The following TDRD9 variants were observed in gnomAD, a reference collection of about 807,000 sequenced individuals.
TDRD9 encodes tudor domain containing 9.
Under a neutral mutation model 172.6 loss-of-function variants are expected in TDRD9, and 124 were observed. That is an observed-to-expected ratio of 0.72 (90% confidence interval 0.62 to 0.83). The LOEUF is 0.83. Ranked by LOEUF, TDRD9 falls within the 40% of genes least tolerant of loss-of-function variation. The pLI is 0.00. For synonymous variants in TDRD9, 619 were observed against 617.1 expected, an observed-to-expected ratio of 1.00 and a Z score of -0.05; for missense variants, 1,479 against 1,714.1, an observed-to-expected ratio of 0.86 and a Z score of 2.42.
intron 1 of TDRD9, among the ~76,000 whole-genome samples, chr14:103,936,985 G>A (rs2030809498): frequency 6.6e-6 from 1 of 152,086 alleles, no homozygotes; most frequent in Admixed American, 6.6e-5. Flanking sequence ...CCAGCTACTT[G>A]GCAGGCTGAC....
intron 6 of TDRD9, among the ~76,000 whole-genome samples, chr14:103,973,817 A>G (rs1235626667): frequency 3.3e-5 from 5 of 152,210 alleles, no homozygotes; most frequent in Non-Finnish European, 7.3e-5. Context: ...TAGTCTGTAC[A>G]GTTTTTACCA....
chr14:104,000,722 T>G (rs1196406553), intron 13 of TDRD9, among the ~76,000 whole-genome samples: 1 of 151,992 alleles, frequency 6.6e-6, no homozygotes, highest in Admixed American at 6.6e-5. Flanking sequence ...GAGGTGGAGG[T>G]TGCAGTGAGC....
chr14:104,049,786 G>A, intron 35 of TDRD9, 106 bp downstream of exon 35: 1 of 943,194 alleles, frequency 1.1e-6, no homozygotes, highest in Non-Finnish European at 1.6e-6. Flanking sequence ...GGTCTGAGAG[G>A]CAGAGACAGG....
chr14:103,955,498 C>T (rs947143447), intron 1 of TDRD9, among the ~76,000 whole-genome samples, 166 bp from the exon 2 acceptor site: 9 of 152,088 alleles, frequency 5.9e-5, no homozygotes, highest in African/African-American at 2.2e-4. Context: ...AATGGTTTGT[C>T]ATTGTTTTAA....
At chr14:103,942,151 GCTGTGTTTCA>G (rs2031275448) in intron 1 of TDRD9, 1 of 162,608 alleles carries the variant, frequency 6.1e-6, no homozygotes, top group African/African-American at 2.4e-5. Flanking sequence ...TGGTGACGAA[GCTGTGTTTCA>G]CTGGGACGTA....
intron 1 of TDRD9, among the ~76,000 whole-genome samples, chr14:103,948,682 A>G (rs1020556526): frequency 6.6e-6 from 1 of 152,120 alleles, no homozygotes; most frequent in Admixed American, 6.6e-5. Flanking sequence ...AACCTTGAGG[A>G]CATTATGCTA....
intron 30 of TDRD9, among the ~76,000 whole-genome samples, chr14:104,033,323 G>A (rs1316747831): frequency 6.6e-6 from 1 of 152,188 alleles, no homozygotes; most frequent in East Asian, 1.9e-4. Flanking sequence ...TGTGAAGCCG[G>A]CATTGGATTT....
At chr14:104,022,387 C>T (rs1170106816) in intron 24 of TDRD9, 57 bp downstream of exon 24, 21 of 1,546,204 alleles carry the variant, frequency 1.4e-5, no homozygotes, top group Non-Finnish European at 1.8e-5. Flanking sequence ...TTCTCAGGTG[C>T]TATTTTTACA....
chr14:104,025,136 C>T (rs1189927925), intron 25 of TDRD9, among the ~76,000 whole-genome samples: 1 of 152,136 alleles, frequency 6.6e-6, no homozygotes, highest in Non-Finnish European at 1.5e-5. Context: ...TGTGTGCCAC[C>T]ATGCCCGGGT....
At position 104,031,064 on chromosome 14, in the gene TDRD9, G is replaced by A. The variant is rs1469257847; in HGVS notation, c.3283-44G>A. The A allele has an allele frequency of 5.3e-6, 8 of 1,522,574 alleles. No homozygotes were observed. The East Asian group carries it at 2.0e-4, about 37-fold the overall frequency. The allele number at this position is 1,522,574 out of a possible 1,614,324, so 94.3% of individuals were successfully genotyped here. ...TTGATTAGTTTGGAAGAAAGTCCTTGTAATATTTTCTTTTAACAAAACAAA... is the reference window on the plus strand; with the variant it reads ...TTGATTAGTTTGGAAGAAAGTCCTTATAATATTTTCTTTTAACAAAACAAA... On this transcript the variant is annotated intron_variant, in intron 28 of 35. Transcript: ENST00000409874.
intron 34 of TDRD9, among the ~76,000 whole-genome samples, chr14:104,048,885 C>T (rs1176603039): frequency 6.6e-6 from 1 of 152,154 alleles, no homozygotes; most frequent in African/African-American, 2.4e-5. Context: ...CCCTCTGATC[C>T]AGATCACATA....
chr14:103,990,329 T>C (rs2033821713), intron 8 of TDRD9, among the ~76,000 whole-genome samples: 2 of 152,252 alleles, frequency 1.3e-5, no homozygotes, highest in Non-Finnish European at 2.9e-5. Context: ...CTGAGCTGCC[T>C]GTGCTGCAGT....
intron 23 of TDRD9, among the ~76,000 whole-genome samples, chr14:104,019,046 G>A (rs1474389754): frequency 1.3e-5 from 2 of 152,158 alleles, no homozygotes; most frequent in African/African-American, 2.4e-5. Context: ...ACAACTCTTA[G>A]AGAATTAATT....
chr14:104,021,898 T>G (rs1051087436), intron 23 of TDRD9, among the ~76,000 whole-genome samples: 5 of 152,234 alleles, frequency 3.3e-5, no homozygotes, highest in Non-Finnish European at 7.3e-5. Context: ...CATGTGACTT[T>G]AGTGTTTATT....
chr14:103,996,382 G>A (rs1428856374), intron 12 of TDRD9, among the ~76,000 whole-genome samples: 1 of 152,224 alleles, frequency 6.6e-6, no homozygotes, highest in Non-Finnish European at 1.5e-5. Flanking sequence ...GTGGGAGAGA[G>A]AGATGCTTAG....
At chr14:104,010,039 G>A (rs1009868936) in intron 20 of TDRD9, among the ~76,000 whole-genome samples, 6 of 150,338 alleles carry the variant, frequency 4.0e-5, no homozygotes, top group Non-Finnish European at 5.9e-5. Context: ...TCTGCCTCCC[G>A]GGTTCAAACA....
rs1327150300 is a variant in TDRD9, at chr14:103,980,271, C to T, written c.1011+4718C>T. 6.6e-6 allele frequency among the ~76,000 whole-genome samples: 1 copy of T among 152,048 alleles called. No individual in the cohort carries two copies. The highest frequency in any genetic ancestry group is 2.4e-5 in the African/African-American group (1 of 41,392). ...AGAGACCAGTAGTGGCCCCGAATGCCAGGCTGCGCTGATATTTATTGGATA... is the reference window on the plus strand; with the variant it reads ...AGAGACCAGTAGTGGCCCCGAATGCTAGGCTGCGCTGATATTTATTGGATA... On this transcript the variant is annotated intron_variant, in intron 7 of 35. Transcript: ENST00000409874. The surrounding 1 kb of genome is among the most constrained non-coding windows in gnomAD (Gnocchi z 4.5).
chr14:103,976,676 T>C (rs2033259904), intron 7 of TDRD9, among the ~76,000 whole-genome samples: 1 of 152,242 alleles, frequency 6.6e-6, no homozygotes, highest in Admixed American at 6.5e-5. Flanking sequence ...TTTTCTTTCC[T>C]TTGGAAATAT....
At chr14:103,949,983 C>T (rs1224838774) in intron 1 of TDRD9, among the ~76,000 whole-genome samples, 2 of 147,494 alleles carry the variant, frequency 1.4e-5, no homozygotes, top group Admixed American at 6.8e-5. Flanking sequence ...GCCAGCTTTG[C>T]CAATTTAAAC....
Sources: allele counts gnomAD v4.1 joint callset (sites outside exome capture counted in the v4.1 genomes callset), GRCh38; gene constraint gnomAD v4.1.1; non-coding constraint Gnocchi (gnomAD v3.1); transcripts MANE v1.5; gene names NCBI Gene and HGNC (gene_info 2026-07-23, HGNC 2026-07-21).